SPMIP2: variants seen among roughly 807,000 people sequenced by gnomAD.
SPMIP2 encodes sperm microtubule inner protein 2.
chr4:158,961,842 T>G, the SPMIP2 span, among the ~76,000 whole-genome samples: 1 of 152,154 alleles, frequency 6.6e-6, no homozygotes, highest in Non-Finnish European at 1.5e-5. Flanking sequence ...TGGACATCTA[T>G]GTTTACTGTA....
At chr4:158,979,474 G>A in the SPMIP2 span, among the ~76,000 whole-genome samples, 1 of 151,644 alleles carries the variant, frequency 6.6e-6, no homozygotes, top group Non-Finnish European at 1.5e-5. Context: ...GAAGCTCCCA[G>A]CAAGATCAAC....
At chr4:159,038,826 A>G in the SPMIP2 span, 1 of 152,236 alleles carries the variant, frequency 6.6e-6, no homozygotes, top group South Asian at 2.1e-4. Context: ...AAAGGCTAGG[A>G]GGGGAGAAAC....
the SPMIP2 span, among the ~76,000 whole-genome samples, chr4:158,977,600 CTTTTTTT>C: frequency 6.8e-3 from 495 of 72,374 alleles, 2 homozygotes; most frequent in African/African-American, 0.026. Context: ...TCCTTCAGTT[CTTTTTTT>C]TTTTTTTTTT....
the SPMIP2 span, among the ~76,000 whole-genome samples, chr4:158,968,654 A>G: frequency 6.6e-6 from 1 of 152,234 alleles, no homozygotes; most frequent in African/African-American, 2.4e-5. Flanking sequence ...GCCTCAGGCA[A>G]GGAACCTCAC....
chr4:158,971,241 A>G, the SPMIP2 span, among the ~76,000 whole-genome samples: 1 of 152,176 alleles, frequency 6.6e-6, no homozygotes, highest in Non-Finnish European at 1.5e-5. Flanking sequence ...AAGGAGAAAC[A>G]CCAAGACAAC....
chr4:158,998,848 A>C, the SPMIP2 span, among the ~76,000 whole-genome samples: 11 of 151,960 alleles, frequency 7.2e-5, no homozygotes, highest in African/African-American at 2.7e-4. Flanking sequence ...TCAATCCTCC[A>C]CTCTATAACA....
At chr4:159,012,824 C>A in the SPMIP2 span, among the ~76,000 whole-genome samples, 2 of 152,094 alleles carry the variant, frequency 1.3e-5, no homozygotes, top group African/African-American at 4.8e-5. Context: ...CCTCCCACCT[C>A]GGCCTCCCAA....
chr4:158,896,997 C>G, the SPMIP2 span, among the ~76,000 whole-genome samples: 1 of 151,704 alleles, frequency 6.6e-6, no homozygotes, highest in Non-Finnish European at 1.5e-5. Context: ...CCACCCCCAG[C>G]CCCCCACCCG....
At chr4:159,038,193 C>A in the SPMIP2 span, among the ~76,000 whole-genome samples, 17 of 152,174 alleles carry the variant, frequency 1.1e-4, no homozygotes, top group African/African-American at 3.9e-4. Flanking sequence ...AAGGAAAACA[C>A]ATATGTAATT....
At chr4:158,915,001 C>G in the SPMIP2 span, among the ~76,000 whole-genome samples, 1 of 152,186 alleles carries the variant, frequency 6.6e-6, no homozygotes, top group Non-Finnish European at 1.5e-5. Flanking sequence ...CACTTACCCA[C>G]TGAATAAACA....
chr4:158,993,362 G>A, the SPMIP2 span, among the ~76,000 whole-genome samples: 1 of 151,206 alleles, frequency 6.6e-6, no homozygotes, highest in Admixed American at 6.6e-5. Flanking sequence ...GTGAGATCCT[G>A]TCTCTAAAAA....
the SPMIP2 span, among the ~76,000 whole-genome samples, chr4:158,930,354 A>G: frequency 5.3e-5 from 8 of 152,084 alleles, no homozygotes; most frequent in Non-Finnish European, 1.0e-4. Context: ...CTGGGACTAC[A>G]GGTGCACACG....
the SPMIP2 span, among the ~76,000 whole-genome samples, chr4:158,929,588 G>A: frequency 2.6e-5 from 4 of 151,870 alleles, no homozygotes; most frequent in South Asian, 8.3e-4. Flanking sequence ...GGCTGGTCTG[G>A]GGATTATCAT....
chr4:159,032,214 T>C, the SPMIP2 span, among the ~76,000 whole-genome samples: 3 of 151,866 alleles, frequency 2.0e-5, no homozygotes, highest in Non-Finnish European at 4.4e-5. Context: ...AGAGGGAGAC[T>C]GTCTCAAAAA....
the SPMIP2 span, among the ~76,000 whole-genome samples, chr4:158,999,103 T>C: frequency 2.0e-5 from 3 of 150,702 alleles, no homozygotes; most frequent in African/African-American, 7.3e-5. Flanking sequence ...GGTCAGGAGG[T>C]TGAGGCTGCA....
chr4:159,026,224 G>A, the SPMIP2 span: 223 of 485,756 alleles, frequency 4.6e-4, no homozygotes, highest in African/African-American at 4.1e-3. Context: ...GTGAAAAATG[G>A]GCACAATGGC....
the SPMIP2 span, among the ~76,000 whole-genome samples, chr4:159,047,766 GAGC>G: frequency 2.0e-5 from 3 of 152,332 alleles, no homozygotes; most frequent in Admixed American, 2.0e-4. Flanking sequence ...GTTCTATGGA[GAGC>G]CCTGCCTCTG....
At chr4:159,013,256 A>G in the SPMIP2 span, among the ~76,000 whole-genome samples, 5 of 152,184 alleles carry the variant, frequency 3.3e-5, no homozygotes, top group Admixed American at 6.5e-5. Flanking sequence ...AAAGAAGTGA[A>G]AGCAGGGACT....
the SPMIP2 span, among the ~76,000 whole-genome samples, chr4:159,048,926 A>T: frequency 4.8e-4 from 73 of 151,622 alleles, no homozygotes; most frequent in Non-Finnish European, 8.4e-4. Context: ...TAAAGTTAAA[A>T]TTTTTTTTGA....
Sources: gnomAD v4.1 joint callset for allele counts (sites outside exome capture counted in the v4.1 genomes callset) on GRCh38, gnomAD v4.1.1 for gene constraint, MANE v1.5 for transcripts, NCBI Gene and HGNC (gene_info 2026-07-23, HGNC 2026-07-21) for gene names.